The following MDGA1 variants were observed in gnomAD, a reference collection of about 807,000 sequenced individuals.
The protein encoded by MDGA1 is MAM domain-containing glycosylphosphatidylinositol anchor protein 1.
A neutral mutation model predicts 101.5 loss-of-function variants in MDGA1; 54 were observed. The ratio of observed to expected loss-of-function variants is 0.53; its 90% CI spans 0.43 to 0.67. The LOEUF is 0.67. Among genes scored for constraint, MDGA1 ranks in the 30% least tolerant of loss-of-function variants. The pLI is 0.00. For synonymous variants in MDGA1, 533 were observed against 558.3 expected (o/e 0.95, Z 0.64); for missense variants, 1,083 against 1,323.8 (o/e 0.82, Z 2.82).
rs1484572804 is a variant in MDGA1 at position 37,654,456 on chromosome 6, C to T, written c.800G>A (p.Gly267Asp). ...NVTVQCLLTG[G>D]DPLPQLQWSH... is the part of the protein sequence containing the mutation. ...CCACTGCAGCTGGGGGAGGGGATCA[C>T]CGCCTGTCAGCAGACACTGCACCGT... Residue 267 changes from glycine to aspartate, a missense_variant, in exon 6 of 17, where the codon GGT becomes GAT. Around this residue, in one of 3 missense-constraint regions of MDGA1, gnomAD observed 116 missense variants for 196.6 expected, o/e 0.59. Transcript: ENST00000434837. 7 of 1,613,884 alleles carry T rather than the reference C, an allele frequency of 4.3e-6. No individual in the cohort carries two copies. The highest frequency in any genetic ancestry group is 5.9e-6 in the Non-Finnish European group (7 of 1,179,902).
rs981860425 is a variant in MDGA1 at position 37,647,179 on chromosome 6, G to A, written c.2040C>T (p.Ile680=). The A allele has an allele frequency of 6.3e-7, 1 of 1,594,950 alleles. No individual in the cohort carries two copies. Among genetic ancestry groups the A allele is most frequent in the Non-Finnish European group, 8.5e-7 (1 of 1,171,028 alleles). ...VDPVLNYRLS[I]RQLNQHNAVV... is the part of the protein sequence containing the mutation. Reference sequence around the variant, plus strand: ...CCGCTCCCCCTTGGCCCACCTGGCGGATGCTGAGTCTGTAGTTGAGCACAG... The same window carrying A: ...CCGCTCCCCCTTGGCCCACCTGGCGAATGCTGAGTCTGTAGTTGAGCACAG... The change falls in exon 10 of 17, where the codon ATC becomes ATT. Residue 680 remains isoleucine (I), a synonymous_variant. Coordinates refer to ENST00000434837, the MANE Select transcript of MDGA1 (RefSeq NM_153487.4).
rs761447114 is a variant in MDGA1, at chr6:37,644,545, G to A, written c.2353C>T (p.Arg785Cys). The change falls in exon 13 of 17, where the codon CGC becomes TGC. Residue 785 changes from arginine (R) to cysteine (C), a missense_variant. Around this residue, in one of 3 missense-constraint regions of MDGA1, gnomAD observed 657 missense variants for 771.4 expected, o/e 0.85. Coordinates refer to ENST00000434837, the MANE Select transcript of MDGA1 (RefSeq NM_153487.4). ...GTGGGGGGACCAGTGTTGGGGGAGC[G>A]TTTGGGGTTCTGGGTGAGGGCATTC... ...RQNALTQNPK[R>C]SPNTGPPTDI... The A allele has an allele frequency of 5.6e-6, 9 of 1,606,072 alleles. No individual in the cohort carries two copies. Among genetic ancestry groups the A allele is most frequent in the African/African-American group, 2.7e-5 (2 of 74,426 alleles).
rs1397075023 is a variant in MDGA1, at chr6:37,655,338, A to G, written c.579+362T>C. ...CCATCTCCTGGGACTATCAGGGCCC[A>G]TGGGAAGAGGAGTCATCTCCTCGCC... On this transcript the variant is annotated intron_variant, in intron 4 of 16. Transcript: ENST00000434837. This position sits in a 1 kb window ranked among gnomAD's most constrained non-coding sequence, Gnocchi z 5.1. The G allele has an allele frequency of 3.9e-5, 13 of 333,848 alleles. No individual in the cohort carries two copies. The highest frequency in any genetic ancestry group is 7.1e-5 in the Non-Finnish European group (13 of 182,432). The allele number at this position is 333,848 out of a possible 1,614,324, so 20.7% of individuals were successfully genotyped here.
chr6:37,687,472 G>T (rs1762220977), intron 1 of MDGA1, among the ~76,000 whole-genome samples: 1 of 151,946 alleles, frequency 6.6e-6, no homozygotes. Flanking sequence ...ACGAGGCTGA[G>T]GTGGGAGGAT....
At chr6:37,637,602 C>A in intron 16 of MDGA1, 143 bp from the exon 17 acceptor site, 3 of 656,256 alleles carry the variant, frequency 4.6e-6, no homozygotes. Context: ...TGCACACAGA[C>A]AAACTCACCG....
At chr6:37,688,712 T>C (rs1311923211) in intron 1 of MDGA1, among the ~76,000 whole-genome samples, 1 of 152,166 alleles carries the variant, frequency 6.6e-6, no homozygotes, top group Non-Finnish European at 1.5e-5. Flanking sequence ...GGAGTCCCCA[T>C]AGTTCACCTT....
intron 1 of MDGA1, among the ~76,000 whole-genome samples, chr6:37,686,432 C>CTTTT (rs35643390): frequency 1.4e-5 from 2 of 143,134 alleles, no homozygotes; most frequent in Admixed American, 6.9e-5. Context: ...GCAACCTGGG[C>CTTTT]TTTTTTTTTT....
At chr6:37,682,580 C>T (rs1465272469) in intron 1 of MDGA1, among the ~76,000 whole-genome samples, 1 of 152,062 alleles carries the variant, frequency 6.6e-6, no homozygotes. Flanking sequence ...CAGGCTGATC[C>T]CCCTCTCTGC....
chr6:37,696,628 A>T lies in MDGA1; in HGVS notation c.67+117T>A. Reference sequence around the variant, plus strand: ...CCCTGGAGAGGGCGGGGACGCGGGCATCCACTCCAGAGTCCGAGTCGAGGT... The same window carrying T: ...CCCTGGAGAGGGCGGGGACGCGGGCTTCCACTCCAGAGTCCGAGTCGAGGT... On this transcript the variant is annotated intron_variant, in intron 1 of 16. Transcript: ENST00000434837. This position sits in a 1 kb window ranked among gnomAD's most constrained non-coding sequence, Gnocchi z 5.6. 1.0e-6 allele frequency: 1 copy of T among 968,806 alleles called. No homozygotes were observed. The highest frequency in any genetic ancestry group is 1.6e-5 in the African/African-American group (1 of 61,898). The allele number at this position is 968,806 out of a possible 1,614,324, so 60.0% of individuals were successfully genotyped here.
chr6:37,677,250 T>C (rs139509597), intron 1 of MDGA1, among the ~76,000 whole-genome samples: 12 of 152,220 alleles, frequency 7.9e-5, no homozygotes, highest in African/African-American at 2.9e-4. Context: ...CAACACCAGC[T>C]CAAACTTTCC....
intron 1 of MDGA1, among the ~76,000 whole-genome samples, chr6:37,695,277 T>C (rs960640203): frequency 8.5e-5 from 13 of 152,222 alleles, no homozygotes; most frequent in African/African-American, 3.1e-4. Flanking sequence ...AAGAAGAAAG[T>C]GAAACCCCAG....
Position 37,634,011 on chromosome 6 carries a change from T to C in MDGA1, c.*3357A>G, listed in dbSNP as rs181921396. ...AGAGCACAGGGAAAAGGAGAATGAATGAGAAAGAGGTGTCAGGCCCATCTC... is the reference window on the plus strand; with the variant it reads ...AGAGCACAGGGAAAAGGAGAATGAACGAGAAAGAGGTGTCAGGCCCATCTC... On this transcript the variant is annotated 3_prime_UTR_variant, in exon 17 of 17. Coordinates refer to ENST00000434837, the MANE Select transcript of MDGA1 (RefSeq NM_153487.4). This position sits in a 1 kb window ranked among gnomAD's most constrained non-coding sequence, Gnocchi z 4.7. 1.0e-3 allele frequency: 160 copies of C among 152,560 alleles called. No homozygotes were observed. Among genetic ancestry groups the C allele is most frequent in the South Asian group, 5.4e-3 (26 of 4,818 alleles). The allele number at this position is 152,560 out of a possible 1,614,324, so 9.5% of individuals were successfully genotyped here. A position where few individuals can be genotyped will look rare whatever the true frequency, so the allele number is the denominator to read the frequency against.
Position 37,643,896 on chromosome 6 carries a change from G to A in MDGA1, c.2449C>T (p.Arg817Cys), listed in dbSNP as rs370910887. 151 of 1,613,778 alleles carry A rather than the reference G, an allele frequency of 9.4e-5. No homozygotes were observed. Among genetic ancestry groups the A allele is most frequent in the Non-Finnish European group, 1.2e-4 (145 of 1,179,854 alleles). ...TAGAGGGGACTCACTAACCTTGCAC[G>A]GTCCCCCAGCTCCCGAGGCCTCGAT... ...ETSRPRELGD[R>C]ARLVSPLYNA... Residue 817 changes from arginine (R) to cysteine (C), a missense_variant, in exon 14 of 17, where the codon CGT (arginine) becomes TGT (cysteine). Coordinates refer to ENST00000434837, the MANE Select transcript of MDGA1 (RefSeq NM_153487.4).
At chr6:37,665,381 C>T (rs1365433736) in intron 1 of MDGA1, among the ~76,000 whole-genome samples, 1 of 152,112 alleles carries the variant, frequency 6.6e-6, no homozygotes, top group African/African-American at 2.4e-5. Flanking sequence ...AAATAGAAAT[C>T]ATAAGAGTGA....
Position 37,696,749 on chromosome 6 carries a change from G to T in MDGA1, c.63C>A (p.Val21=), listed in dbSNP as rs1487027208. The part of the protein sequence containing the change: ...LIPFHCRGQG[V]YAPAQAQIVH... ...GAGCGGGACGCGGGCTCTTACCGTA[G>T]ACTCCTTGTCCCCGGCAGTGGAAGG... Residue 21 remains valine, a synonymous_variant, in exon 1 of 17, where the codon GTC becomes GTA. Coordinates refer to ENST00000434837, the MANE Select transcript of MDGA1 (RefSeq NM_153487.4). This position sits in a 1 kb window ranked among gnomAD's most constrained non-coding sequence, Gnocchi z 5.6. 1.3e-6 allele frequency: 2 copies of T among 1,581,854 alleles called. No homozygotes were observed.
chr6:37,642,147 GTA>G (rs35308269), intron 14 of MDGA1, among the ~76,000 whole-genome samples: 2,023 of 135,354 alleles, frequency 0.015, 55 homozygotes, highest in African/African-American at 0.051. Context: ...TTATATATAT[GTA>G]TATATATATA....
At position 37,638,711 on chromosome 6, in the gene MDGA1, G is replaced by A; in HGVS notation, c.2537-44C>T. On this transcript the variant is annotated intron_variant, in intron 14 of 16. Coordinates refer to ENST00000434837, the MANE Select transcript of MDGA1 (RefSeq NM_153487.4). This position sits in a 1 kb window ranked among gnomAD's most constrained non-coding sequence, Gnocchi z 4.8. ...CAGTGGGCAGTGAGATCTGGCCAGG[G>A]CACCCTCACCTTTCCACATTTACCA... 3 of 1,578,376 alleles carry A rather than the reference G, an allele frequency of 1.9e-6. No homozygotes were observed. The highest frequency in any genetic ancestry group is 2.6e-6 in the Non-Finnish European group (3 of 1,161,274).
Position 37,633,885 on chromosome 6 carries a change from C to G in MDGA1, c.*3483G>C, listed in dbSNP as rs574519872. On this transcript the variant is annotated 3_prime_UTR_variant, in exon 17 of 17. Transcript: ENST00000434837. ...AAACTAGCTGTGTGACCTTGGGCCA[C>G]TCCCCTTCCCCACTCTGGGCTTCAG... The G allele has an allele frequency of 1.3e-5, 2 of 152,624 alleles. No homozygotes were observed. Among genetic ancestry groups the G allele is most frequent in the South Asian group, 2.1e-4 (1 of 4,832 alleles). 9.5% of individuals were successfully genotyped at this position (152,624 alleles called of 1,614,324 possible). A position where few individuals can be genotyped will look rare whatever the true frequency, so the allele number is the denominator to read the frequency against.
chr6:37,692,005 G>A (rs987475821), intron 1 of MDGA1, among the ~76,000 whole-genome samples: 4 of 152,192 alleles, frequency 2.6e-5, no homozygotes, highest in African/African-American at 7.2e-5. Flanking sequence ...CTTTGGCTAC[G>A]GGCAGGTGCC....
Sources: gnomAD v4.1 joint callset for allele counts (sites outside exome capture counted in the v4.1 genomes callset) on GRCh38, gnomAD v4.1.1 for gene constraint, gnomAD v4.1.1 regional missense constraint, Gnocchi (gnomAD v3.1) non-coding constraint, MANE v1.5 for transcripts, NCBI Gene and HGNC (gene_info 2026-07-23, HGNC 2026-07-21) for gene names.